Variants in PTPRJ observed in about 807,000 individuals in gnomAD.
The protein encoded by PTPRJ is receptor-type tyrosine-protein phosphatase eta.
Under a neutral mutation model 141.3 loss-of-function variants are expected in PTPRJ, and 129 were observed. The observed-to-expected ratio is 0.91, with a 90% CI of 0.79 to 1.06. PTPRJ has a LOEUF of 1.06. PTPRJ is among the 50% of genes least tolerant of loss of function. The pLI is 0.00. For missense variants in PTPRJ, 1,601 were observed against 1,679.7 expected (o/e 0.95, Z 0.82); for synonymous variants, 610 against 640.5 (o/e 0.95, Z 0.72).
chr11:48,028,330 T>C (rs1243232606), intron 1 of PTPRJ, among the ~76,000 whole-genome samples: 1 of 152,214 alleles, frequency 6.6e-6, no homozygotes, highest in Non-Finnish European at 1.5e-5. Flanking sequence ...TAGCCCATCA[T>C]GCAGTTCTTC....
intron 1 of PTPRJ, among the ~76,000 whole-genome samples, chr11:47,990,746 C>T (rs897631746): frequency 6.9e-6 from 1 of 145,026 alleles, no homozygotes; most frequent in East Asian, 2.0e-4. Context: ...AGTTCAGTGG[C>T]GCAATCTTGG....
chr11:47,990,682 GA>G (rs1217895388), intron 1 of PTPRJ, among the ~76,000 whole-genome samples: 2 of 148,476 alleles, frequency 1.3e-5, no homozygotes, highest in Non-Finnish European at 3.0e-5. Flanking sequence ...AAAGTGTTGG[GA>G]TTTTTTTTTT....
intron 1 of PTPRJ, among the ~76,000 whole-genome samples, chr11:48,106,469 T>C (rs1186486037): frequency 6.6e-6 from 1 of 152,078 alleles, no homozygotes; most frequent in South Asian, 2.1e-4. Context: ...AGCGGGGAAG[T>C]CAAGGTGTGC....
At chr11:48,063,580 GT>G (rs912263950) in intron 1 of PTPRJ, among the ~76,000 whole-genome samples, 139 of 152,300 alleles carry the variant, frequency 9.1e-4, no homozygotes, top group Middle Eastern at 3.4e-3. Context: ...CTGCTGGGGG[GT>G]GGCCGTTTGT....
intron 1 of PTPRJ, among the ~76,000 whole-genome samples, chr11:48,011,623 C>A (rs1266490442): frequency 6.6e-6 from 1 of 152,122 alleles, no homozygotes; most frequent in East Asian, 1.9e-4. Flanking sequence ...TTTTAAAATT[C>A]ACACATATGA....
intron 8 of PTPRJ, among the ~76,000 whole-genome samples, chr11:48,131,070 ATTTTTTT>A (rs71045547): frequency 0.011 from 524 of 46,510 alleles, 5 homozygotes; most frequent in African/African-American, 0.022. Flanking sequence ...ATATATATAT[ATTTTTTT>A]TTTTTTTTTT....
intron 15 of PTPRJ, among the ~76,000 whole-genome samples, chr11:48,148,557 C>T (rs986902244): frequency 1.3e-5 from 2 of 152,144 alleles, no homozygotes; most frequent in South Asian, 4.1e-4. Flanking sequence ...CCTGTCTCAG[C>T]CTCCCAAGTA....
Position 48,160,008 on chromosome 11 carries a change from G to C in PTPRJ, c.3517G>C (p.Val1173Leu). The stretch of plus-strand genomic sequence containing the variant: ...AACTGTGGCAATGACATCAGAAATT[G>C]TTCTTCCGGAATGGACCATCAGAGA... The part of the protein sequence containing the change: ...DITVAMTSEI[V>L]LPEWTIRDFT... Residue 1173 changes from valine to leucine, a missense_variant, in exon 22 of 25, where the codon GTT becomes CTT. Physicochemically the swap from Val to Leu is conservative, Grantham distance 32. Transcript: ENST00000418331. The C allele has an allele frequency of 6.2e-7, 1 of 1,613,984 alleles. No homozygotes were observed. Among genetic ancestry groups the C allele is most frequent in the African/African-American group, 1.3e-5 (1 of 75,044 alleles).
At chr11:48,046,912 A>ATTTTTTT (rs1217187387) in intron 1 of PTPRJ, among the ~76,000 whole-genome samples, 10 of 74,166 alleles carry the variant, frequency 1.3e-4, no homozygotes, top group African/African-American at 7.3e-4. Context: ...ATATATATAT[A>ATTTTTTT]TTTTTTTTTT....
chr11:48,152,507 C>T (rs552405747), intron 18 of PTPRJ, among the ~76,000 whole-genome samples: 47 of 152,296 alleles, frequency 3.1e-4, no homozygotes, highest in Admixed American at 1.2e-3. Context: ...GTGTTTTAGA[C>T]GTAAAGTCCT....
intron 1 of PTPRJ, among the ~76,000 whole-genome samples, chr11:47,987,125 T>A (rs1001881313): frequency 2.6e-5 from 4 of 152,106 alleles, no homozygotes; most frequent in Admixed American, 2.6e-4. Context: ...GGAGGATGGC[T>A]TGAGCCCTGG....
At chr11:48,136,966 G>A in intron 9 of PTPRJ, 37 bp from the exon 10 acceptor site, 2 of 1,525,120 alleles carry the variant, frequency 1.3e-6, no homozygotes, top group South Asian at 2.3e-5. Flanking sequence ...TACTTAATCT[G>A]TGCTTTTACA....
chr11:48,096,785 C>T (rs530420257), intron 1 of PTPRJ: 2 of 73,106 alleles, frequency 2.7e-5, no homozygotes, highest in Admixed American at 1.8e-4. Context: ...TGAGTCACCT[C>T]GAGAGCTGAT....
chr11:48,132,193 A>G, intron 8 of PTPRJ: 1 of 985,428 alleles, frequency 1.0e-6, no homozygotes, highest in Non-Finnish European at 1.2e-6. Flanking sequence ...CCTAAACAAC[A>G]CTGTGATGAG....
At chr11:48,129,455 T>G (rs1856919703) in intron 7 of PTPRJ, among the ~76,000 whole-genome samples, 1 of 152,260 alleles carries the variant, frequency 6.6e-6, no homozygotes, top group African/African-American at 2.4e-5. Context: ...AGGGCCTACC[T>G]TCATGACCTC....
intron 10 of PTPRJ, 102 bp downstream of exon 10, chr11:48,137,383 G>GCACAT: frequency 7.6e-7 from 1 of 1,317,176 alleles, no homozygotes; most frequent in Non-Finnish European, 1.0e-6. Context: ...TGTGTGATGT[G>GCACAT]CAGTGATGGA....
At chr11:48,054,897 G>A (rs546562355) in intron 1 of PTPRJ, among the ~76,000 whole-genome samples, 3 of 150,800 alleles carry the variant, frequency 2.0e-5, no homozygotes, top group South Asian at 2.1e-4. Context: ...ATATAAAGCC[G>A]CTGGCAGCCA....
chr11:48,053,489 AAT>A (rs1373656475), intron 1 of PTPRJ, among the ~76,000 whole-genome samples: 1 of 114,280 alleles, frequency 8.8e-6, no homozygotes, highest in African/African-American at 4.2e-5. Context: ...ATATATATAA[AAT>A]ATATATATAA....
intron 15 of PTPRJ, among the ~76,000 whole-genome samples, chr11:48,148,293 C>A (rs1006248754): frequency 2.0e-5 from 3 of 152,186 alleles, no homozygotes; most frequent in African/African-American, 7.2e-5. Flanking sequence ...AATCTGCAAT[C>A]GCAGAACCCA....
Sources: gnomAD v4.1 joint callset for allele counts (sites outside exome capture counted in the v4.1 genomes callset) on GRCh38, gnomAD v4.1.1 for gene constraint, MANE v1.5 for transcripts, NCBI Gene and HGNC (gene_info 2026-07-23, HGNC 2026-07-21) for gene names.